CAND2: variants seen among roughly 807,000 people sequenced by gnomAD.
CAND2 encodes cullin associated and neddylation dissociated 2 (putative), also known as cullin-associated NEDD8-dissociated protein 2.
In CAND2, 62 loss-of-function variants were observed where a neutral mutation model predicts 98.9. The ratio of observed to expected loss-of-function variants is 0.63; its 90% CI spans 0.51 to 0.77. CAND2 has a LOEUF of 0.77. Among genes scored for constraint, CAND2 ranks in the 30% least tolerant of loss-of-function variants. The probability of loss-of-function intolerance (pLI) is 0.00; values close to 1 mark genes in which losing one functional copy is unlikely to be tolerated. For synonymous variants in CAND2, 770 were observed against 731.9 expected (o/e 1.05, Z -0.84); for missense variants, 1,501 against 1,655.2 (o/e 0.91, Z 1.62).
chr3:12,819,464 C>T (rs747008625), intron 10 of CAND2, among the ~76,000 whole-genome samples: 2 of 152,184 alleles, frequency 1.3e-5, no homozygotes, highest in Non-Finnish European at 2.9e-5. Context: ...AATGTACTTC[C>T]CCTCTTTACT....
Position 12,817,738 on chromosome 3 carries a change from G to A in CAND2, c.2806G>A (p.Asp936Asn), listed in dbSNP as rs747193425. Residue 936 changes from aspartate to asparagine, a missense_variant, in exon 10 of 15, where the codon GAC (aspartate) becomes AAC (asparagine). Coordinates refer to ENST00000456430, the MANE Select transcript of CAND2 (RefSeq NM_001162499.2). Reference sequence around the variant, plus strand: ...TGACAGCCTGAAGCCCTACGCCGAGGACATCTGGGCCTTGCTGTTCCAGCG... The same window carrying A: ...TGACAGCCTGAAGCCCTACGCCGAGAACATCTGGGCCTTGCTGTTCCAGCG... ...QPDSLKPYAE[D>N]IWALLFQRCE... 4.7e-5 allele frequency: 74 copies of A among 1,584,710 alleles called. No homozygotes were observed. Among genetic ancestry groups the A allele is most frequent in the Admixed American group, 1.1e-4 (6 of 56,466 alleles).
In CAND2 at chr3:12,825,529, T is replaced by C; in HGVS notation, c.3100T>C (p.Phe1034Leu). The C allele has an allele frequency of 6.2e-7, 1 of 1,603,498 alleles. No homozygotes were observed. Among genetic ancestry groups the C allele is most frequent in the South Asian group, 1.1e-5 (1 of 88,648 alleles). Residue 1034 changes from phenylalanine (F) to leucine (L), a missense_variant, in exon 12 of 15, where the codon TTC becomes CTC. Coordinates refer to ENST00000456430, the MANE Select transcript of CAND2 (RefSeq NM_001162499.2). ...GAACGTGCGCCGTGCGACTCTGGCTTTCTTCAACTCAGCTGTGCACAACAA... is the reference window on the plus strand; with the variant it reads ...GAACGTGCGCCGTGCGACTCTGGCTCTCTTCAACTCAGCTGTGCACAACAA... ...DLNVRRATLA[F>L]FNSAVHNKPS...
In CAND2 at chr3:12,833,927, G is replaced by A; in HGVS notation, c.3656G>A (p.Ser1219Asn). 1.2e-6 allele frequency: 2 copies of A among 1,614,184 alleles called. No individual in the cohort carries two copies. The highest frequency in any genetic ancestry group is 1.1e-5 in the South Asian group (1 of 91,088). Residue 1219 changes from serine to asparagine, a missense_variant, in exon 15 of 15, where the codon AGC becomes AAC. Around this residue, in one of 3 missense-constraint regions of CAND2, gnomAD observed 1,427 missense variants for 1,545.3 expected, o/e 0.92. Coordinates refer to ENST00000456430, the MANE Select transcript of CAND2 (RefSeq NM_001162499.2). Reference sequence around the variant, plus strand: ...CCTGAACTTGCTGCCCTCTTTGAAAGCATCCAGAAGGATTCCGCTTCAGCC... The same window carrying A: ...CCTGAACTTGCTGCCCTCTTTGAAAACATCCAGAAGGATTCCGCTTCAGCC... ...SNPELAALFE[S>N]IQKDSASAPS...
Position 12,812,562 on chromosome 3 carries a change from G to A in CAND2, c.758-428G>A, listed in dbSNP as rs1002491121. On this transcript the variant is annotated intron_variant, in intron 5 of 14. Coordinates refer to ENST00000456430, the MANE Select transcript of CAND2 (RefSeq NM_001162499.2). ...TGGGACTACAGGCGCCCGCCACCGC[G>A]CCCGGCTAATTTTTTGTATTTTTAG... Among the ~76,000 whole-genome samples the A allele has an allele frequency of 5.9e-5, 9 of 151,758 alleles. No individual in the cohort carries two copies. The South Asian group carries it at 1.2e-3, about 21-fold the overall frequency.
At chr3:12,826,692 A>G (rs761478425) in intron 12 of CAND2, among the ~76,000 whole-genome samples, 7 of 151,928 alleles carry the variant, frequency 4.6e-5, no homozygotes, top group Non-Finnish European at 8.8e-5. Context: ...GAGGACAGCC[A>G]TCATGCCCAA....
At chr3:12,810,781 A>G (rs1189775511) in intron 5 of CAND2, among the ~76,000 whole-genome samples, 1 of 152,236 alleles carries the variant, frequency 6.6e-6, no homozygotes, top group Non-Finnish European at 1.5e-5. Flanking sequence ...TTTTTAAGAA[A>G]CAATTTAATG....
chr3:12,816,877 A>G lies in CAND2; in HGVS notation c.1945A>G (p.Ile649Val). The change falls in exon 10 of 15, where the codon ATC becomes GTC. Residue 649 changes from isoleucine (I) to valine (V), a missense_variant. By Grantham distance (29) the Ile-to-Val change is conservative. This residue lies in a region of CAND2 where 1,427 missense variants were observed against 1,545.3 expected (regional missense o/e 0.92). Coordinates refer to ENST00000456430, the MANE Select transcript of CAND2 (RefSeq NM_001162499.2). The part of the protein sequence containing the change: ...VSPLQLDLQP[I>V]LAEALHILAS... ...CCCACTACAGCTTGACCTACAGCCC[A>G]TCCTGGCCGAGGCACTGCACATTCT... The G allele has an allele frequency of 2.5e-6, 4 of 1,613,866 alleles. No homozygotes were observed. Among genetic ancestry groups the G allele is most frequent in the Non-Finnish European group, 3.4e-6 (4 of 1,180,034 alleles).
intron 14 of CAND2, chr3:12,832,272 G>A (rs1225258953): frequency 2.0e-5 from 3 of 152,186 alleles, no homozygotes; most frequent in Non-Finnish European, 4.4e-5. Context: ...AACCTGCCTT[G>A]TAAGTTTACA....
chr3:12,813,872 T>C (rs1470795084), intron 7 of CAND2, among the ~76,000 whole-genome samples: 2 of 152,228 alleles, frequency 1.3e-5, no homozygotes, highest in African/African-American at 4.8e-5. Flanking sequence ...GGGGGTGGAC[T>C]TGATAGCTTC....
At chr3:12,799,253 A>T (rs531727146) in intron 1 of CAND2, among the ~76,000 whole-genome samples, 8 of 152,174 alleles carry the variant, frequency 5.3e-5, no homozygotes, top group Non-Finnish European at 7.3e-5. Flanking sequence ...CCTCCCAAGG[A>T]TACTATGAGG....
At chr3:12,802,153 C>T (rs555544918) in intron 1 of CAND2, among the ~76,000 whole-genome samples, 3 of 152,182 alleles carry the variant, frequency 2.0e-5, no homozygotes, top group Non-Finnish European at 4.4e-5. Flanking sequence ...CAGTGAAACC[C>T]CACCTCTACT....
chr3:12,808,097 G>A (rs2061821276), intron 3 of CAND2, 113 bp from the exon 4 acceptor site: 15 of 1,369,438 alleles, frequency 1.1e-5, no homozygotes, highest in Non-Finnish European at 1.4e-5. Context: ...GCCCTGGTAA[G>A]ATTCCCGGGG....
chr3:12,799,941 G>C (rs1363032768), intron 1 of CAND2, among the ~76,000 whole-genome samples: 3 of 152,218 alleles, frequency 2.0e-5, no homozygotes, highest in Non-Finnish European at 2.9e-5. Flanking sequence ...TGAAGAAGAA[G>C]AGCGGGGATA....
rs749086306 is a variant in CAND2, at chr3:12,825,508, G to A, written c.3079G>A (p.Val1027Met). ...MESLQDPDLNVRRATLAFFNS... is the reference protein window; with the variant it reads ...MESLQDPDLNMRRATLAFFNS... ...GAGCCTGCAGGACCCAGACCTGAAC[G>A]TGCGCCGTGCGACTCTGGCTTTCTT... Residue 1027 changes from valine (V) to methionine (M), a missense_variant, in exon 12 of 15, where the codon GTG becomes ATG. Physicochemically the swap from Val to Met is conservative, Grantham distance 21 (BLOSUM62 1). Transcript: ENST00000456430. 5.7e-6 allele frequency: 9 copies of A among 1,577,546 alleles called. No individual in the cohort carries two copies. Among genetic ancestry groups the A allele is most frequent in the South Asian group, 2.3e-5 (2 of 86,186 alleles).
intron 2 of CAND2, among the ~76,000 whole-genome samples, chr3:12,804,531 T>G (rs779073284): frequency 6.6e-6 from 1 of 152,088 alleles, no homozygotes; most frequent in Non-Finnish European, 1.5e-5. Context: ...GCCCCAGCCT[T>G]AGATCACTGT....
intron 7 of CAND2, 40 bp downstream of exon 7, chr3:12,813,428 T>A (rs753945557): frequency 1.3e-6 from 2 of 1,592,140 alleles, no homozygotes; most frequent in South Asian, 2.3e-5. Context: ...AGGGTGGAGG[T>A]GAACACAGCC....
rs74773293 is a variant in CAND2 at position 12,816,381 on chromosome 3, C to T, written c.1449C>T (p.Ile483=). The T allele has an allele frequency of 6.8e-6, 11 of 1,610,032 alleles. No individual in the cohort carries two copies. The East Asian group carries it at 1.1e-4, about 16-fold the overall frequency. The change falls in exon 10 of 15, where the codon ATC becomes ATT. Residue 483 remains isoleucine (I), a synonymous_variant. Coordinates refer to ENST00000456430, the MANE Select transcript of CAND2 (RefSeq NM_001162499.2). ...EHMPVLVSGI[I]FSLADRSSSS... is the part of the protein sequence containing the mutation. ...TTTGCATTCACCCTGCAGGCATCATCTTCTCGCTGGCCGACCGCTCCAGCT... is the reference window on the plus strand; with the variant it reads ...TTTGCATTCACCCTGCAGGCATCATTTTCTCGCTGGCCGACCGCTCCAGCT...
intron 11 of CAND2, among the ~76,000 whole-genome samples, chr3:12,824,080 A>C (rs2061980631): frequency 6.6e-6 from 1 of 152,128 alleles, no homozygotes; most frequent in Non-Finnish European, 1.5e-5. Context: ...CTGAGGCAGA[A>C]GGATCACTTG....
chr3:12,817,674 G>A lies in CAND2; in HGVS notation c.2742G>A (p.Leu914=). The change falls in exon 10 of 15, where the codon CTG becomes CTA. Residue 914 remains leucine, a synonymous_variant. Transcript: ENST00000456430. ...CTGAGCCCCGACGACAGTACCTGCT[G>A]CTGCACTCACTCAGGGAGGCCCTGG... The part of the protein sequence containing the change: ...IEAEPRRQYL[L]LHSLREALGA... The A allele has an allele frequency of 6.2e-7, 1 of 1,609,664 alleles. No individual in the cohort carries two copies. The highest frequency in any genetic ancestry group is 8.5e-7 in the Non-Finnish European group (1 of 1,177,886).
Sources: allele counts gnomAD v4.1 joint callset (sites outside exome capture counted in the v4.1 genomes callset), GRCh38; gene constraint gnomAD v4.1.1; regional missense constraint gnomAD v4.1.1; transcripts MANE v1.5; gene names NCBI Gene and HGNC (gene_info 2026-07-23, HGNC 2026-07-21).